The following ADGRA3 variants were observed in gnomAD, a reference collection of about 807,000 sequenced individuals.
ADGRA3 encodes adhesion G protein-coupled receptor A3.
Under a neutral mutation model 119.8 loss-of-function variants are expected in ADGRA3, and 56 were observed. The ratio of observed to expected loss-of-function variants is 0.47; its 90% CI spans 0.38 to 0.58. The LOEUF is 0.58. Among genes scored for constraint, ADGRA3 ranks in the 20% least tolerant of loss-of-function variants. The probability of loss-of-function intolerance (pLI) is 0.00; values close to 1 mark genes in which losing one functional copy is unlikely to be tolerated. For synonymous variants in ADGRA3, 607 were observed against 623.8 expected, an observed-to-expected ratio of 0.97 and a Z score of 0.40; for missense variants, 1,516 against 1,649.0, an observed-to-expected ratio of 0.92 and a Z score of 1.40.
intron 1 of ADGRA3, among the ~76,000 whole-genome samples, chr4:22,493,648 T>C (rs1718707226): frequency 6.6e-6 from 1 of 152,134 alleles, no homozygotes; most frequent in Admixed American, 6.5e-5. Context: ...GGCCTAGCAA[T>C]CTGTTTTAAC....
chr4:22,459,105 AGAC>A (rs1194980749), intron 3 of ADGRA3, among the ~76,000 whole-genome samples: 1 of 152,250 alleles, frequency 6.6e-6, no homozygotes, highest in Admixed American at 6.5e-5. Context: ...GGAAAGCTAC[AGAC>A]GATAGGTTTT....
At chr4:22,469,136 A>G (rs560602730) in intron 2 of ADGRA3, among the ~76,000 whole-genome samples, 1 of 151,118 alleles carries the variant, frequency 6.6e-6, no homozygotes, top group African/African-American at 2.4e-5. Flanking sequence ...TCCCTCCCTC[A>G]CCTCCCTCTG....
At chr4:22,467,802 T>C (rs1717713497) in intron 2 of ADGRA3, among the ~76,000 whole-genome samples, 1 of 152,222 alleles carries the variant, frequency 6.6e-6, no homozygotes, top group South Asian at 2.1e-4. Flanking sequence ...TAAACAGGAG[T>C]CTGACTTCAG....
chr4:22,435,460 G>A lies in ADGRA3; in HGVS notation c.1294C>T (p.Leu432Phe). 2 of 1,590,172 alleles carry A rather than the reference G, an allele frequency of 1.3e-6. No homozygotes were observed. The highest frequency in any genetic ancestry group is 1.7e-6 in the Non-Finnish European group (2 of 1,161,836). Residue 432 changes from leucine to phenylalanine, a missense_variant, in exon 10 of 19, where the codon CTC becomes TTC. Coordinates refer to ENST00000334304, the MANE Select transcript of ADGRA3 (RefSeq NM_145290.4). ...GTTGCCACGGCATTGGTAAGATTGA[G>A]GGGCATCTACATTTCAAAGGCAAAA... ...RVLYMFNQMP[L>F]NLTNAVATAR...
chr4:22,433,378 G>A (rs1453755414), intron 10 of ADGRA3, among the ~76,000 whole-genome samples: 1 of 152,122 alleles, frequency 6.6e-6, no homozygotes, highest in African/African-American at 2.4e-5. Flanking sequence ...TCCAAGCTTT[G>A]CAACTATTTT....
rs1713960611 is a variant in ADGRA3, at chr4:22,388,682, A to G, written c.2989T>C (p.Leu997=). 9 of 1,614,122 alleles carry G rather than the reference A, an allele frequency of 5.6e-6. No homozygotes were observed. The highest frequency in any genetic ancestry group is 6.8e-6 in the Non-Finnish European group (8 of 1,179,998). The change falls in exon 19 of 19, where the codon TTG becomes CTG. Residue 997 remains leucine, a synonymous_variant. Coordinates refer to ENST00000334304, the MANE Select transcript of ADGRA3 (RefSeq NM_145290.4). ...AAGAGCAAAGTAAGGCTGGCCCCCA[A>G]GAGCTGAGAATGAAAAGTGTGCTCA... ...ENEHTFHSQL[L]GASLTLLLYV...
At chr4:22,494,558 C>G (rs1259704786) in intron 1 of ADGRA3, among the ~76,000 whole-genome samples, 2 of 151,894 alleles carry the variant, frequency 1.3e-5, no homozygotes, top group Non-Finnish European at 2.9e-5. Context: ...TTTCCTGTAA[C>G]AATTTGAGAA....
At chr4:22,397,488 G>C (rs1004797860) in intron 16 of ADGRA3, among the ~76,000 whole-genome samples, 1 of 152,106 alleles carries the variant, frequency 6.6e-6, no homozygotes, top group Admixed American at 6.5e-5. Flanking sequence ...GGAGTCCAGG[G>C]AGAGCTTAGA....
intron 16 of ADGRA3, chr4:22,394,861 T>C (rs192546642): frequency 1.3e-5 from 2 of 152,194 alleles, no homozygotes; most frequent in African/African-American, 2.4e-5. Context: ...TTTAGGGGTA[T>C]GATGACATCT....
chr4:22,464,946 C>G (rs550360365), intron 2 of ADGRA3, among the ~76,000 whole-genome samples: 1 of 152,144 alleles, frequency 6.6e-6, no homozygotes, highest in East Asian at 1.9e-4. Flanking sequence ...TGAAAGCTCA[C>G]CTGGGGACCT....
At chr4:22,483,982 T>A (rs1278818924) in intron 1 of ADGRA3, among the ~76,000 whole-genome samples, 1 of 88,516 alleles carries the variant, frequency 1.1e-5, no homozygotes, top group South Asian at 3.5e-4. Flanking sequence ...TGATGCATGA[T>A]TACATTTTTT....
At chr4:22,438,675 C>T (rs562909044) in intron 7 of ADGRA3, among the ~76,000 whole-genome samples, 3 of 152,096 alleles carry the variant, frequency 2.0e-5, no homozygotes, top group Non-Finnish European at 4.4e-5. Context: ...TGCTATACGA[C>T]GCATGAGAAT....
chr4:22,391,027 T>C (rs546893365), intron 17 of ADGRA3, among the ~76,000 whole-genome samples: 1 of 152,212 alleles, frequency 6.6e-6, no homozygotes, highest in African/African-American at 2.4e-5. Context: ...AAATCATCCA[T>C]GTTCTCGGGT....
At chr4:22,422,279 A>T (rs1007832637) in intron 11 of ADGRA3, among the ~76,000 whole-genome samples, 1 of 152,196 alleles carries the variant, frequency 6.6e-6, no homozygotes, top group African/African-American at 2.4e-5. Context: ...ATTTTGATGC[A>T]CGATGCTTAC....
At chr4:22,398,634 C>A (rs149377946) in intron 16 of ADGRA3, among the ~76,000 whole-genome samples, 211 of 151,216 alleles carry the variant, frequency 1.4e-3, no homozygotes, top group African/African-American at 4.9e-3. Flanking sequence ...TGATTTTTAC[C>A]TTTATTAAAA....
At chr4:22,410,303 G>GT (rs1715141675) in intron 14 of ADGRA3, among the ~76,000 whole-genome samples, 1 of 152,030 alleles carries the variant, frequency 6.6e-6, no homozygotes, top group Admixed American at 6.5e-5. Context: ...TTCTTTCTTT[G>GT]TTTTTTCCTA....
intron 3 of ADGRA3, among the ~76,000 whole-genome samples, 162 bp downstream of exon 3, chr4:22,461,575 C>T (rs1021630926): frequency 2.0e-5 from 3 of 152,238 alleles, no homozygotes; most frequent in African/African-American, 7.2e-5. Flanking sequence ...GCTGGGAATA[C>T]AGGCGTGAGC....
At chr4:22,396,154 G>T (rs1714340089) in intron 16 of ADGRA3, among the ~76,000 whole-genome samples, 1 of 152,102 alleles carries the variant, frequency 6.6e-6, no homozygotes, top group Admixed American at 6.5e-5. Flanking sequence ...AACGGCCCTT[G>T]CACTTCGTCA....
At chr4:22,407,300 G>A (rs539768800) in intron 14 of ADGRA3, among the ~76,000 whole-genome samples, 44 of 151,980 alleles carry the variant, frequency 2.9e-4, no homozygotes, top group African/African-American at 9.4e-4. Flanking sequence ...AAATATTTAC[G>A]GCAATTGAGA....
Sources: allele counts gnomAD v4.1 joint callset (sites outside exome capture counted in the v4.1 genomes callset), GRCh38; gene constraint gnomAD v4.1.1; transcripts MANE v1.5; gene names NCBI Gene and HGNC (gene_info 2026-07-23, HGNC 2026-07-21).